Variants in CSMD3 observed in about 807,000 individuals in gnomAD.
CSMD3 encodes CUB and sushi domain-containing protein 3.
CSMD3 carries 177 observed loss-of-function variants against 435.2 expected under a neutral mutation model. That is an observed-to-expected ratio of 0.41 (90% CI 0.36 to 0.46). The LOEUF is 0.46. Among genes scored for constraint, CSMD3 ranks in the 20% least tolerant of loss-of-function variants. The pLI, the probability that CSMD3 is intolerant of heterozygous loss-of-function variation, is 0.34. For synonymous variants in CSMD3, 1,656 were observed against 1,520.5 expected, an observed-to-expected ratio of 1.09 and a Z score of -2.07; for missense variants, 4,265 against 4,504.6, an observed-to-expected ratio of 0.95 and a Z score of 1.52.
intron 31 of CSMD3, among the ~76,000 whole-genome samples, chr8:112,489,033 T>A (rs1050193904): frequency 3.9e-5 from 6 of 152,110 alleles, no homozygotes; most frequent in Non-Finnish European, 7.4e-5. Context: ...AATAAAAAAA[T>A]TATCTTAAAA....
intron 27 of CSMD3, among the ~76,000 whole-genome samples, chr8:112,527,829 T>A (rs1310797419): frequency 2.6e-5 from 4 of 152,128 alleles, no homozygotes; most frequent in African/African-American, 7.2e-5. Context: ...TTTAAGTATT[T>A]GAGGCAATCA....
chr8:112,538,906 G>A (rs1244041542), intron 27 of CSMD3: 2 of 152,240 alleles, frequency 1.3e-5, no homozygotes, highest in Non-Finnish European at 2.9e-5. Context: ...CCACAAAGAA[G>A]ATGAAAACCT....
intron 10 of CSMD3, among the ~76,000 whole-genome samples, chr8:112,920,018 C>T (rs888296308): frequency 6.6e-6 from 1 of 151,650 alleles, no homozygotes; most frequent in Non-Finnish European, 1.5e-5. Flanking sequence ...AGTACAGAGA[C>T]ACAGAAAAAT....
chr8:112,701,754 C>T (rs2076393877), intron 13 of CSMD3, among the ~76,000 whole-genome samples: 2 of 152,138 alleles, frequency 1.3e-5, no homozygotes, highest in Non-Finnish European at 2.9e-5. Flanking sequence ...GTCCTGTCTC[C>T]CATCATTTTC....
chr8:113,243,551 T>G (rs2093242811), intron 3 of CSMD3, among the ~76,000 whole-genome samples: 1 of 152,104 alleles, frequency 6.6e-6, no homozygotes, highest in Non-Finnish European at 1.5e-5. Flanking sequence ...GACTATTTAC[T>G]AAATAGTGCT....
chr8:112,848,433 T>A (rs2080390620), intron 11 of CSMD3, among the ~76,000 whole-genome samples: 1 of 152,092 alleles, frequency 6.6e-6, no homozygotes, highest in African/African-American at 2.4e-5. Flanking sequence ...ATTTTATTTA[T>A]ACAATAAATG....
At chr8:112,862,383 G>GT (rs1025971024) in intron 10 of CSMD3, among the ~76,000 whole-genome samples, 2 of 151,868 alleles carry the variant, frequency 1.3e-5, no homozygotes, top group Non-Finnish European at 2.9e-5. Flanking sequence ...GTACATATAG[G>GT]TTTTTTTCTT....
intron 27 of CSMD3, among the ~76,000 whole-genome samples, chr8:112,536,779 T>A (rs570319225): frequency 7.3e-5 from 11 of 151,186 alleles, no homozygotes; most frequent in African/African-American, 2.2e-4. Flanking sequence ...CAAATGTCCA[T>A]CAATGATAGA....
At chr8:112,819,774 A>T (rs1469406260) in intron 12 of CSMD3, among the ~76,000 whole-genome samples, 1 of 152,218 alleles carries the variant, frequency 6.6e-6, no homozygotes, top group African/African-American at 2.4e-5. Flanking sequence ...ACGACATTGT[A>T]CATGATGAAG....
chr8:113,136,111 A>G (rs916973185), intron 4 of CSMD3, among the ~76,000 whole-genome samples: 1 of 151,830 alleles, frequency 6.6e-6, no homozygotes, highest in Non-Finnish European at 1.5e-5. Flanking sequence ...GTGAGAACAA[A>G]TTAAGTATGA....
chr8:112,854,704 T>G (rs2080595554), intron 11 of CSMD3, among the ~76,000 whole-genome samples: 1 of 152,200 alleles, frequency 6.6e-6, no homozygotes, highest in African/African-American at 2.4e-5. Context: ...AATGGAGACA[T>G]TTGGATGCTC....
chr8:112,601,488 C>T (rs1014770024), intron 22 of CSMD3, among the ~76,000 whole-genome samples: 7 of 152,066 alleles, frequency 4.6e-5, no homozygotes, highest in African/African-American at 1.7e-4. Flanking sequence ...TTCTCAAGGA[C>T]TATAGGAATT....
intron 5 of CSMD3, among the ~76,000 whole-genome samples, chr8:113,086,045 G>A (rs955698276): frequency 6.6e-6 from 1 of 151,980 alleles, no homozygotes; most frequent in African/African-American, 2.4e-5. Flanking sequence ...AGGCCATACT[G>A]GCTAACATGG....
intron 13 of CSMD3, among the ~76,000 whole-genome samples, chr8:112,696,577 A>G (rs1262229875): frequency 6.6e-6 from 1 of 152,236 alleles, no homozygotes; most frequent in Non-Finnish European, 1.5e-5. Flanking sequence ...AAGTAATTCA[A>G]GATGGATTGA....
At chr8:113,189,873 G>A (rs142926589) in intron 3 of CSMD3, among the ~76,000 whole-genome samples, 1 of 151,630 alleles carries the variant, frequency 6.6e-6, no homozygotes, top group Non-Finnish European at 1.5e-5. Flanking sequence ...TTTGTTTTCT[G>A]GGATAATATA....
chr8:113,243,741 G>T (rs1318785564), intron 3 of CSMD3, among the ~76,000 whole-genome samples: 1 of 152,044 alleles, frequency 6.6e-6, no homozygotes, highest in Non-Finnish European at 1.5e-5. Context: ...AATGCACAAG[G>T]ATTCCAATTT....
Position 112,357,560 on chromosome 8 carries a change from A to AT in CSMD3, c.6137-5027dup, listed in dbSNP as rs541668443. On this transcript the variant is annotated intron_variant, in intron 38 of 70. Transcript: ENST00000297405. Reference sequence around the variant, plus strand: ...TTTCCAGGGCATGTCAGAGGTCTTCATGGCAGCCCCTCCCATCACAGGCCT... The same window carrying AT: ...TTTCCAGGGCATGTCAGAGGTCTTCATTGGCAGCCCCTCCCATCACAGGCCT... Among the ~76,000 whole-genome samples the AT allele has an allele frequency of 1.8e-4, 28 of 152,308 alleles. No individual in the cohort carries two copies. In the South Asian group the frequency reaches 5.8e-3, roughly 32 times the overall value.
intron 32 of CSMD3, among the ~76,000 whole-genome samples, chr8:112,449,284 T>G (rs1355137573): frequency 6.6e-6 from 1 of 152,214 alleles, no homozygotes; most frequent in Non-Finnish European, 1.5e-5. Context: ...ATTTTGTTTT[T>G]GTGTTTAAAA....
At chr8:113,395,301 C>T (rs1009957088) in intron 1 of CSMD3, among the ~76,000 whole-genome samples, 2 of 151,982 alleles carry the variant, frequency 1.3e-5, no homozygotes, top group Non-Finnish European at 1.5e-5. Flanking sequence ...TGCCTAATCT[C>T]AAAATTTAAA....
Sources: gnomAD v4.1 joint callset for allele counts (sites outside exome capture counted in the v4.1 genomes callset) on GRCh38, gnomAD v4.1.1 for gene constraint, MANE v1.5 for transcripts, NCBI Gene and HGNC (gene_info 2026-07-23, HGNC 2026-07-21) for gene names.